Variants in AP5Z1 observed in about 807,000 individuals in gnomAD.
The protein encoded by AP5Z1 is AP-5 complex subunit zeta-1.
AP5Z1 carries 106 observed loss-of-function variants against 83.0 expected under a neutral mutation model. The observed-to-expected ratio is 1.28, with a 90% CI of 1.09 to 1.50. The LOEUF is 1.50. AP5Z1 is among the 40% of genes most tolerant of loss of function. The probability of loss-of-function intolerance (pLI) is 0.00; values close to 1 mark genes in which losing one functional copy is unlikely to be tolerated. For synonymous variants in AP5Z1, 751 were observed against 514.1 expected (o/e 1.46, Z -6.23); for missense variants, 1,565 against 1,094.2 (o/e 1.43, Z -6.07).
At chr7:4,790,257 G>GC in intron 14 of AP5Z1, 1 of 1,545,216 alleles carries the variant, frequency 6.5e-7, no homozygotes, top group Non-Finnish European at 8.7e-7. Flanking sequence ...CTGAGCCTGG[G>GC]CCTGAGGCCA....
rs778450487 is a variant in AP5Z1, at chr7:4,791,834, G to A, written c.*449G>A. 1.4e-4 allele frequency: 23 copies of A among 161,846 alleles called. No individual in the cohort carries two copies. The highest frequency in any genetic ancestry group is 2.8e-4 in the Non-Finnish European group (21 of 74,670). The allele number at this position is 161,846 out of a possible 1,614,324, so 10.0% of individuals were successfully genotyped here. A position where few individuals can be genotyped will look rare whatever the true frequency, so the allele number is the denominator to read the frequency against. ...GAGAGGACCAGGGATGGGAACCCCT[G>A]GCAGCTGCTGCCAGTCCTGGAGGCT... is the stretch of plus-strand genomic sequence containing the variant. On this transcript the variant is annotated 3_prime_UTR_variant, in exon 17 of 17. Coordinates refer to ENST00000649063, the MANE Select transcript of AP5Z1 (RefSeq NM_014855.3).
Position 4,793,520 on chromosome 7 carries a change from AGG to A in AP5Z1, c.*2136_*2137del, listed in dbSNP as rs949050931. ...GAGCCGGCTCCCTCAGCTTGCGGGG[AGG>A]TGTGGAGGGAGAGGCGCGGTGGGAA... On this transcript the variant is annotated 3_prime_UTR_variant, in exon 17 of 17. Transcript: ENST00000649063. 1 of 152,562 alleles carries A rather than the reference AGG, an allele frequency of 6.6e-6. No individual in the cohort carries two copies. The highest frequency in any genetic ancestry group is 1.5e-5 in the Non-Finnish European group (1 of 68,420). The allele number at this position is 152,562 out of a possible 1,614,324, so 9.5% of individuals were successfully genotyped here.
At position 4,785,650 on chromosome 7, in the gene AP5Z1, G is replaced by A; in HGVS notation, c.1098G>A (p.Val366=). The stretch of plus-strand genomic sequence containing the variant: ...GCGGGGACCCGGCCTCTGTGCGGGT[G>A]CTGCTGCCCCTCGCCCACTTCTTCC... ...RVRGDPASVR[V]LLPLAHFFLS... is the part of the protein sequence containing the mutation. Residue 366 remains valine, a synonymous_variant, in exon 9 of 17, where the codon GTG becomes GTA. Coordinates refer to ENST00000649063, the MANE Select transcript of AP5Z1 (RefSeq NM_014855.3). 1 of 1,556,838 alleles carries A rather than the reference G, an allele frequency of 6.4e-7. No homozygotes were observed.
chr7:4,780,955 A>G (rs1781364474), intron 1 of AP5Z1, among the ~76,000 whole-genome samples: 1 of 152,168 alleles, frequency 6.6e-6, no homozygotes, highest in African/African-American at 2.4e-5. Context: ...GAGATTCGTC[A>G]TAGTGCGCTG....
chr7:4,789,997 T>TCCCC, intron 14 of AP5Z1, 68 bp downstream of exon 14: 1 of 385,902 alleles, frequency 2.6e-6, no homozygotes, highest in Non-Finnish European at 3.2e-6. Flanking sequence ...CCCTCTCCCC[T>TCCCC]CCCCCCTCCC....
chr7:4,789,967 G>A (rs1283055178), intron 14 of AP5Z1, 38 bp downstream of exon 14: 3 of 1,474,794 alleles, frequency 2.0e-6, no homozygotes, highest in East Asian at 2.5e-5. Flanking sequence ...GCCCTGGGCG[G>A]GTGCCTCCTG....
chr7:4,785,676 T>G lies in AP5Z1; in HGVS notation c.1124T>G (p.Leu375Arg). 1.3e-6 allele frequency: 2 copies of G among 1,529,758 alleles called. No homozygotes were observed. Among genetic ancestry groups the G allele is most frequent in the African/African-American group, 1.4e-5 (1 of 73,648 alleles). The allele number at this position is 1,529,758 out of a possible 1,614,324, so 94.8% of individuals were successfully genotyped here. Reference protein sequence around the residue: ...RVLLPLAHFFLSHGEAAAVDS... With the variant: ...RVLLPLAHFFRSHGEAAAVDS... ...CTGCTGCCCCTCGCCCACTTCTTCC[T>G]GAGCCACGGTGAGCCCAGGGTGGGG... The change falls in exon 9 of 17, where the codon CTG becomes CGG. Residue 375 changes from leucine to arginine, a missense_variant. Coordinates refer to ENST00000649063, the MANE Select transcript of AP5Z1 (RefSeq NM_014855.3).
rs561646689 is a variant in AP5Z1, at chr7:4,785,570, C to T, written c.1018C>T (p.Pro340Ser). 1.3e-5 allele frequency: 21 copies of T among 1,609,458 alleles called. No homozygotes were observed. In the Admixed American group the frequency reaches 1.7e-4, roughly 13 times the overall value. ...LVLDVLCRQD[P>S]SFLYRSLSCL... The stretch of plus-strand genomic sequence containing the variant: ...GCTGGACGTGCTGTGCCGGCAGGAC[C>T]CGTCCTTCCTGTACCGAAGTCTCTC... The change falls in exon 9 of 17, where the codon CCG (proline) becomes TCG (serine). Residue 340 changes from proline (P) to serine (S), a missense_variant. Transcript: ENST00000649063.
chr7:4,790,822 G>C lies in AP5Z1; in HGVS notation c.2088G>C (p.Gln696His). ...CTGCCCTGCCCAGGTGTCCCCCCCA[G>C]GTGGTCACCGTGCTGATGACCACGC... is the stretch of plus-strand genomic sequence containing the variant. ...PSAALPRCPP[Q>H]VVTVLMTTLT... The change falls in exon 16 of 17, where the codon CAG becomes CAC. Residue 696 changes from glutamine (Q) to histidine (H), a missense_variant. Coordinates refer to ENST00000649063, the MANE Select transcript of AP5Z1 (RefSeq NM_014855.3). 8 of 1,609,336 alleles carry C rather than the reference G, an allele frequency of 5.0e-6. No homozygotes were observed. The highest frequency in any genetic ancestry group is 6.8e-6 in the Non-Finnish European group (8 of 1,178,904).
At position 4,791,207 on chromosome 7, in the gene AP5Z1, C is replaced by A; in HGVS notation, c.2246C>A (p.Thr749Asn). The change falls in exon 17 of 17, where the codon ACC (threonine) becomes AAC (asparagine). Residue 749 changes from threonine (T) to asparagine (N), a missense_variant. By Grantham distance (65) the Thr-to-Asn change is moderately conservative. Coordinates refer to ENST00000649063, the MANE Select transcript of AP5Z1 (RefSeq NM_014855.3). ...HSEEGAEAIR[T>N]RATELLTLLK... Reference sequence around the variant, plus strand: ...GAGGAGGGCGCGGAAGCCATCCGTACCCGGGCCACAGAGCTGCTGACCCTG... The same window carrying A: ...GAGGAGGGCGCGGAAGCCATCCGTAACCGGGCCACAGAGCTGCTGACCCTG... The A allele has an allele frequency of 6.2e-7, 1 of 1,612,708 alleles. No individual in the cohort carries two copies. Among genetic ancestry groups the A allele is most frequent in the Non-Finnish European group, 8.5e-7 (1 of 1,179,830 alleles).
chr7:4,782,020 T>G (rs1247857822), intron 3 of AP5Z1, among the ~76,000 whole-genome samples: 1 of 152,186 alleles, frequency 6.6e-6, no homozygotes, highest in Non-Finnish European at 1.5e-5. Flanking sequence ...AGCGAGTCAG[T>G]GGAGGCTGGG....
At position 4,789,906 on chromosome 7, in the gene AP5Z1, A is replaced by C; in HGVS notation, c.1782A>C (p.Pro594=). 6.5e-7 allele frequency: 1 copy of C among 1,549,192 alleles called. No individual in the cohort carries two copies. The highest frequency in any genetic ancestry group is 8.7e-7 in the Non-Finnish European group (1 of 1,146,556). Residue 594 remains proline, a synonymous_variant, in exon 14 of 17, where the codon CCA becomes CCC. Transcript: ENST00000649063. ...LGRSDSLYPA[P]GYAAGVHSVL... ...GGAGCGACTCGCTCTACCCGGCCCC[A>C]GGGTACGCTGCCGGTGTGCACAGGT...
intron 7 of AP5Z1, among the ~76,000 whole-genome samples, 163 bp from the exon 8 acceptor site, chr7:4,785,252 T>C (rs1348249609): frequency 6.6e-6 from 1 of 152,116 alleles, no homozygotes; most frequent in Non-Finnish European, 1.5e-5. Flanking sequence ...CCCGGCCCTG[T>C]CCCACCTGGG....
At chr7:4,785,887 A>G (rs960077843) in intron 9 of AP5Z1, among the ~76,000 whole-genome samples, 2 of 151,430 alleles carry the variant, frequency 1.3e-5, no homozygotes, top group African/African-American at 4.9e-5. Flanking sequence ...GATTACGGGC[A>G]TGAGCCACCG....
In AP5Z1 at chr7:4,791,373, C is replaced by T. The variant is rs779938191; in HGVS notation, c.2412C>T (p.Leu804=). The change falls in exon 17 of 17, where the codon CTC becomes CTT. Residue 804 remains leucine (L), a synonymous_variant. Coordinates refer to ENST00000649063, the MANE Select transcript of AP5Z1 (RefSeq NM_014855.3). ...GGCTGGTGGAGAGGGAGGCCGGCCT[C>T]ATGCCAGGGTGAAGGGACAGTGGCC... The part of the protein sequence containing the change: ...VSRLVEREAG[L]MPG 3.1e-6 allele frequency: 5 copies of T among 1,605,986 alleles called. No homozygotes were observed. Among genetic ancestry groups the T allele is most frequent in the South Asian group, 1.1e-5 (1 of 89,892 alleles).
intron 16 of AP5Z1, 26 bp downstream of exon 16, chr7:4,790,913 C>G (rs770531531): frequency 1.5e-5 from 23 of 1,557,888 alleles, no homozygotes; most frequent in Admixed American, 3.8e-5. Context: ...GGGAGCGAAG[C>G]CTTCTGGCTC....
intron 12 of AP5Z1, 34 bp downstream of exon 12, chr7:4,788,328 G>T (rs1781625539): frequency 1.3e-6 from 2 of 1,538,742 alleles, no homozygotes; most frequent in Non-Finnish European, 1.8e-6. Context: ...GCCACCAGTG[G>T]CTCAGAGAGC....
chr7:4,787,883 T>C (rs1322968385), intron 11 of AP5Z1, 107 bp downstream of exon 11: 20 of 1,325,670 alleles, frequency 1.5e-5, no homozygotes, highest in Non-Finnish European at 1.7e-5. Flanking sequence ...CCCTCCTTCT[T>C]CCCCCCCCAA....
In AP5Z1 at chr7:4,788,766, G is replaced by A. The variant is rs549221253; in HGVS notation, c.1596-74G>A. ...GGGCTCAGCTGTGCGAGAGGGAGCA[G>A]TGGCGACGTGGCCCCGGCCTGCAGT... On this transcript the variant is annotated intron_variant, in intron 12 of 16. Coordinates refer to ENST00000649063, the MANE Select transcript of AP5Z1 (RefSeq NM_014855.3). 29 of 1,315,998 alleles carry A rather than the reference G, an allele frequency of 2.2e-5. No homozygotes were observed. In the South Asian group the frequency reaches 3.3e-4, roughly 15 times the overall value. The allele number at this position is 1,315,998 out of a possible 1,614,324, so 81.5% of individuals were successfully genotyped here.
Sources: gnomAD v4.1 joint callset for allele counts (sites outside exome capture counted in the v4.1 genomes callset) on GRCh38, gnomAD v4.1.1 for gene constraint, MANE v1.5 for transcripts, NCBI Gene and HGNC (gene_info 2026-07-23, HGNC 2026-07-21) for gene names.